The following RNASE4 variants were observed in gnomAD, a reference collection of about 807,000 sequenced individuals.
The protein encoded by RNASE4 is ribonuclease 4.
For synonymous variants in RNASE4, 93 were observed against 71.4 expected (o/e 1.30, Z -1.52); for missense variants, 194 against 192.8 (o/e 1.01, Z -0.04).
chr14:20,691,001 G>A (rs1357515242), intron 1 of RNASE4, among the ~76,000 whole-genome samples: 1 of 152,174 alleles, frequency 6.6e-6, no homozygotes, highest in African/African-American at 2.4e-5. Flanking sequence ...TGAACTTTGT[G>A]GCTTTTACTT....
Position 20,690,545 on chromosome 14 carries a change from C to G in RNASE4, c.-18+5787C>G, listed in dbSNP as rs191127227. ...TAGATATTGGTGGTTTTGGTGTACG[C>G]TTGCTGAGATTTGGTTCCTGGATGT... On this transcript the variant is annotated intron_variant, in intron 1 of 1. Transcript: ENST00000555835. Among the ~76,000 whole-genome samples, 4 of 152,244 alleles carry G rather than the reference C, an allele frequency of 2.6e-5. No individual in the cohort carries two copies. In the East Asian group the frequency reaches 5.8e-4, roughly 22 times the overall value.
chr14:20,694,457 A>C (rs1379333052), intron 1 of RNASE4, among the ~76,000 whole-genome samples: 1 of 151,382 alleles, frequency 6.6e-6, no homozygotes, highest in Non-Finnish European at 1.5e-5. Flanking sequence ...GCACCACCAC[A>C]CCTGGCTAAT....
At chr14:20,696,681 A>G (rs976189079) in intron 1 of RNASE4, among the ~76,000 whole-genome samples, 1 of 151,988 alleles carries the variant, frequency 6.6e-6, no homozygotes, top group African/African-American at 2.4e-5. Flanking sequence ...GTCATTCATT[A>G]TTTTATCCAG....
At chr14:20,691,941 C>T (rs564992090) in intron 1 of RNASE4, among the ~76,000 whole-genome samples, 1 of 152,314 alleles carries the variant, frequency 6.6e-6, no homozygotes, top group East Asian at 1.9e-4. Context: ...GGCCTAGTGC[C>T]AGGACCCATG....
intron 1 of RNASE4, among the ~76,000 whole-genome samples, chr14:20,689,120 C>T (rs1320881446): frequency 2.6e-5 from 4 of 152,164 alleles, no homozygotes; most frequent in African/African-American, 9.7e-5. Context: ...GATAAAATCC[C>T]CAAAGGCCTG....
intron 1 of RNASE4, chr14:20,694,265 A>G: frequency 1.8e-6 from 1 of 554,362 alleles, no homozygotes; most frequent in Non-Finnish European, 3.3e-6. Context: ...AGAGGACTGC[A>G]TAGGATAGAA....
intron 1 of RNASE4, among the ~76,000 whole-genome samples, chr14:20,686,664 G>A (rs1424587607): frequency 6.6e-6 from 1 of 152,230 alleles, no homozygotes; most frequent in East Asian, 1.9e-4. Flanking sequence ...AGGCATGTCA[G>A]CAGGACTTTG....
chr14:20,684,912 A>G (rs1214335184), intron 1 of RNASE4, among the ~76,000 whole-genome samples, 154 bp downstream of exon 1: 1 of 152,130 alleles, frequency 6.6e-6, no homozygotes, highest in Non-Finnish European at 1.5e-5. Flanking sequence ...GAGGGACGTG[A>G]AAGTCCCGTA....
chr14:20,688,885 G>A, intron 1 of RNASE4: 1 of 981,610 alleles, frequency 1.0e-6, no homozygotes, highest in Non-Finnish European at 1.2e-6. Flanking sequence ...GTAAACTATT[G>A]TTCAATTTGT....
chr14:20,699,239 A>T, intron 1 of RNASE4, 116 bp from the exon 2 acceptor site: 2 of 816,020 alleles, frequency 2.5e-6, no homozygotes, highest in Non-Finnish European at 1.9e-6. Flanking sequence ...GATGGTGCAT[A>T]TAAGAAGGAG....
At chr14:20,699,012 A>C in intron 1 of RNASE4, 2 of 186,716 alleles carry the variant, frequency 1.1e-5, no homozygotes, top group Non-Finnish European at 2.2e-5. Context: ...AGAGACACAC[A>C]ACTGCAGTTT....
intron 1 of RNASE4, among the ~76,000 whole-genome samples, chr14:20,685,611 C>G (rs1300871455): frequency 6.6e-6 from 1 of 152,166 alleles, no homozygotes; most frequent in Non-Finnish European, 1.5e-5. Flanking sequence ...TCAAGCAATT[C>G]TTTTACTGAT....
At chr14:20,690,221 C>CAAAAAAAAAAAAA (rs36091065) in intron 1 of RNASE4, among the ~76,000 whole-genome samples, 58 of 67,978 alleles carry the variant, frequency 8.5e-4, no homozygotes, top group African/African-American at 1.1e-3. Flanking sequence ...GACTCCGTCT[C>CAAAAAAAAAAAAA]AAAAAAAAAA....
At position 20,699,571 on chromosome 14, in the gene RNASE4, G is replaced by A. The variant is rs1887216757; in HGVS notation, c.200G>A (p.Cys67Tyr). 21 of 1,614,158 alleles carry A rather than the reference G, an allele frequency of 1.3e-5. No individual in the cohort carries two copies. In the East Asian group the frequency reaches 4.7e-4, roughly 36 times the overall value. ...AGACGGAAGATGACTTTGTATCACT[G>A]CAAGCGCTTCAACACCTTCATCCAT... ...MQRRKMTLYH[C>Y]KRFNTFIHED... is the part of the protein sequence containing the mutation. Residue 67 changes from cysteine (C) to tyrosine (Y), a missense_variant, in exon 2 of 2, where the codon TGC (cysteine) becomes TAC (tyrosine). Transcript: ENST00000555835.
intron 1 of RNASE4, among the ~76,000 whole-genome samples, chr14:20,692,214 G>T (rs950253611): frequency 6.6e-6 from 1 of 152,148 alleles, no homozygotes; most frequent in Non-Finnish European, 1.5e-5. Context: ...TTCTCCCTTT[G>T]TGAGAATTTC....
chr14:20,694,119 A>C, intron 1 of RNASE4: 7 of 1,190,626 alleles, frequency 5.9e-6, no homozygotes, highest in Non-Finnish European at 8.7e-6. Flanking sequence ...AGAAAGAGCT[A>C]CCTGGACCTT....
chr14:20,689,591 A>T (rs1886600814), intron 1 of RNASE4, among the ~76,000 whole-genome samples: 1 of 152,188 alleles, frequency 6.6e-6, no homozygotes, highest in Admixed American at 6.5e-5. Context: ...ATACTAACAG[A>T]TTCATTTGAT....
intron 1 of RNASE4, among the ~76,000 whole-genome samples, chr14:20,687,043 G>A (rs1886458785): frequency 6.6e-6 from 1 of 152,174 alleles, no homozygotes; most frequent in South Asian, 2.1e-4. Context: ...AGTTAAAGCT[G>A]TCTGAACATT....
At chr14:20,694,017 C>T in intron 1 of RNASE4, 1 of 1,614,072 alleles carries the variant, frequency 6.2e-7, no homozygotes, top group Non-Finnish European at 8.5e-7. Context: ...AACCAGCGGG[C>T]CCCTGGTCAA....
Sources: allele counts gnomAD v4.1 joint callset (sites outside exome capture counted in the v4.1 genomes callset), GRCh38; gene constraint gnomAD v4.1.1; transcripts MANE v1.5; gene names NCBI Gene and HGNC (gene_info 2026-07-23, HGNC 2026-07-21).